The following CLU variants were observed in gnomAD, a reference collection of about 807,000 sequenced individuals.
CLU encodes clusterin, also known as aging-associated protein 4.
CLU carries 25 observed loss-of-function variants against 46.4 expected under a neutral mutation model. That is an observed-to-expected ratio of 0.54 (90% CI 0.39 to 0.75). The LOEUF (loss-of-function observed/expected upper bound fraction) is 0.75, where lower values mean the gene tolerates loss of function less well. CLU is among the 30% of genes least tolerant of loss of function. The probability of loss-of-function intolerance (pLI) is 0.00; values close to 1 mark genes in which losing one functional copy is unlikely to be tolerated. For missense variants in CLU, 504 were observed against 592.1 expected, an observed-to-expected ratio of 0.85 and a Z score of 1.54; for synonymous variants, 235 against 235.1, an observed-to-expected ratio of 1.00 and a Z score of 0.00.
chr8:27,600,067 T>C, intron 6 of CLU, 58 bp from the exon 7 acceptor site: 1 of 1,337,450 alleles, frequency 7.5e-7, no homozygotes, highest in Admixed American at 1.7e-5. Flanking sequence ...TACAAAGGGA[T>C]AGAACCATGA....
At chr8:27,603,819 TC>T (rs1800763916) in intron 6 of CLU, among the ~76,000 whole-genome samples, 1 of 151,944 alleles carries the variant, frequency 6.6e-6, no homozygotes, top group African/African-American at 2.4e-5. Context: ...CCTCAGAGGG[TC>T]ATTCTGAGGA....
Position 27,605,107 on chromosome 8 carries a change from G to T in CLU, c.646C>A (p.Pro216Thr). ...CGGGACTTGGGAAAGAAGAAGTGAG[G>T]CCTCCGGTGGGGCAGGCTGAAGGGC... ...YLPFSLPHRR[P>T]HFFFPKSRIV... The change falls in exon 5 of 9, where the codon CCT becomes ACT. Residue 216 changes from proline to threonine, a missense_variant. Physicochemically the swap from Pro to Thr is conservative, Grantham distance 38. Transcript: ENST00000316403. 6.2e-7 allele frequency: 1 copy of T among 1,614,142 alleles called. No homozygotes were observed. Among genetic ancestry groups the T allele is most frequent in the Non-Finnish European group, 8.5e-7 (1 of 1,180,020 alleles).
chr8:27,599,234 G>A lies in CLU; in HGVS notation c.1164+546C>T, dbSNP rs1403780764. The A allele has an allele frequency of 6.1e-6, 1 of 163,610 alleles. No homozygotes were observed. Among genetic ancestry groups the A allele is most frequent in the East Asian group, 1.7e-4 (1 of 5,734 alleles). The allele number at this position is 163,610 out of a possible 1,614,324, so 10.1% of individuals were successfully genotyped here. On this transcript the variant is annotated intron_variant, in intron 7 of 8. Transcript: ENST00000316403. This position sits in a 1 kb window ranked among gnomAD's most constrained non-coding sequence, Gnocchi z 4.0. ...GACTGATTTTTGTATTTTTTGTAGA[G>A]AGGGAATCTTGCTGTGTTGCCCAGG...
Position 27,597,590 on chromosome 8 carries a change from A to G in CLU, c.*651T>C, listed in dbSNP as rs1356942174. The G allele has an allele frequency of 1.1e-5, 5 of 454,020 alleles. No individual in the cohort carries two copies. The highest frequency in any genetic ancestry group is 2.2e-5 in the Non-Finnish European group (5 of 226,808). 28.1% of individuals were successfully genotyped at this position (454,020 alleles called of 1,614,324 possible). On this transcript the variant is annotated 3_prime_UTR_variant, in exon 9 of 9. Transcript: ENST00000316403. ...GGGCACCAAATGTTTTCATAACGAA[A>G]ACATCAATTATGCATTATAATACCA...
chr8:27,611,344 C>G, intron 1 of CLU: 1 of 456,446 alleles, frequency 2.2e-6, no homozygotes, highest in Non-Finnish European at 4.4e-6. Context: ...AGAGAAAGTC[C>G]CTTTGGAAGG....
At chr8:27,598,430 C>CAGGCCCGCAGGAA (rs776835353) in intron 8 of CLU, 30 bp downstream of exon 8, 2 of 1,613,046 alleles carry the variant, frequency 1.2e-6, no homozygotes, top group Non-Finnish European at 1.7e-6. Flanking sequence ...CTGGGCCCTG[C>CAGGCCCGCAGGAA]AGGCCCGCAG....
At chr8:27,611,515 C>A (rs1004273966) in intron 1 of CLU, 22 of 457,570 alleles carry the variant, frequency 4.8e-5, no homozygotes, top group Non-Finnish European at 8.4e-5. Flanking sequence ...TTCCCAGAAG[C>A]TGAGGCTGTT....
At chr8:27,608,482 C>T (rs1011154282) in intron 3 of CLU, 31 of 255,920 alleles carry the variant, frequency 1.2e-4, no homozygotes, top group Middle Eastern at 1.4e-3. Context: ...CTGCTATATC[C>T]ACTACTGGGC....
rs745838454 is a variant in CLU, at chr8:27,605,057, G to A, written c.696C>T (p.Phe232=). ...GGAAGTTCAGGGGCTCGTACGGAGA[G>A]AAGGGCATCAAGCTGCGGACGATGC... is the stretch of plus-strand genomic sequence containing the variant. ...KSRIVRSLMP[F]SPYEPLNFHA... Residue 232 remains phenylalanine (F), a synonymous_variant, in exon 5 of 9, where the codon TTC becomes TTT. Transcript: ENST00000316403. The A allele has an allele frequency of 2.5e-6, 4 of 1,614,114 alleles. No homozygotes were observed. Among genetic ancestry groups the A allele is most frequent in the Non-Finnish European group, 3.4e-6 (4 of 1,180,028 alleles).
intron 1 of CLU, chr8:27,611,427 G>A (rs1408383844): frequency 3.5e-5 from 16 of 456,046 alleles, no homozygotes; most frequent in South Asian, 1.7e-4. Flanking sequence ...TGCCCTGCCA[G>A]TGTTCCTGCC....
chr8:27,608,924 C>A lies in CLU; in HGVS notation c.246+14G>T. ...GATGGTCAAGGCAGGGAGGCGGTAG[C>A]GGCTCCTCCTGACCTCTTTCTTCTT... On this transcript the variant is annotated intron_variant, in intron 3 of 8. Transcript: ENST00000316403. 4 of 1,614,076 alleles carry A rather than the reference C, an allele frequency of 2.5e-6. No homozygotes were observed. The highest frequency in any genetic ancestry group is 3.4e-6 in the Non-Finnish European group (4 of 1,179,966).
chr8:27,605,344 G>C lies in CLU; in HGVS notation c.418-9C>G, dbSNP rs368975390. On this transcript the variant is annotated splice_polypyrimidine_tract_variant and intron_variant, in intron 4 of 8. Transcript: ENST00000316403. Reference sequence around the variant, plus strand: ...TTCAGGAACTCCTCAAGCTGGGACAGCCAGCATGGGCACAGTTAGGAGAAG... The same window carrying C: ...TTCAGGAACTCCTCAAGCTGGGACACCCAGCATGGGCACAGTTAGGAGAAG... 12 of 1,613,904 alleles carry C rather than the reference G, an allele frequency of 7.4e-6. No homozygotes were observed. The highest frequency in any genetic ancestry group is 1.3e-5 in the African/African-American group (1 of 74,940).
intron 1 of CLU, among the ~76,000 whole-genome samples, chr8:27,612,157 G>A (rs926378425): frequency 2.0e-5 from 3 of 152,146 alleles, no homozygotes; most frequent in African/African-American, 7.2e-5. Context: ...GAAGGAGGTC[G>A]TTCTCTCACC....
At chr8:27,604,499 G>T (rs917336486) in intron 5 of CLU, 104 bp from the exon 6 acceptor site, 12 of 953,590 alleles carry the variant, frequency 1.3e-5, no homozygotes, top group African/African-American at 8.1e-5. Context: ...TACAGACAGG[G>T]TCTCACTCTG....
intron 5 of CLU, 70 bp from the exon 6 acceptor site, chr8:27,604,465 G>C: frequency 8.3e-7 from 1 of 1,208,796 alleles, no homozygotes; most frequent in Non-Finnish European, 1.2e-6. Context: ...GATTCCTATT[G>C]TTATTTTTAT....
At chr8:27,614,591 C>T (rs1217065835) in intron 1 of CLU, 64 bp downstream of exon 1, 3 of 459,210 alleles carry the variant, frequency 6.5e-6, no homozygotes, top group Admixed American at 5.0e-5. Context: ...GGCTGCCATC[C>T]CCTGCCCGCC....
chr8:27,607,868 G>A (rs901014097), intron 3 of CLU, among the ~76,000 whole-genome samples: 18 of 152,018 alleles, frequency 1.2e-4, no homozygotes, highest in African/African-American at 4.1e-4. Flanking sequence ...AGACACAAGC[G>A]CCACCCCTGC....
intron 6 of CLU, among the ~76,000 whole-genome samples, chr8:27,602,466 G>A (rs1800738532): frequency 6.6e-6 from 1 of 151,994 alleles, no homozygotes; most frequent in African/African-American, 2.4e-5. Flanking sequence ...AGCCAAGCAT[G>A]GTGGAGCACA....
chr8:27,611,871 C>A, intron 1 of CLU: 1 of 418,442 alleles, frequency 2.4e-6, no homozygotes, highest in Non-Finnish European at 4.8e-6. Flanking sequence ...CAGCTGCCCA[C>A]TGAGCCCTGA....
Sources: gnomAD v4.1 joint callset for allele counts (sites outside exome capture counted in the v4.1 genomes callset) on GRCh38, gnomAD v4.1.1 for gene constraint, Gnocchi (gnomAD v3.1) non-coding constraint, MANE v1.5 for transcripts, NCBI Gene and HGNC (gene_info 2026-07-23, HGNC 2026-07-21) for gene names.